PRIMA1: variants seen among roughly 807,000 people sequenced by gnomAD.
The protein encoded by PRIMA1 is proline-rich membrane anchor 1.
In PRIMA1, 7 loss-of-function variants were observed where a neutral mutation model predicts 17.5. The observed-to-expected ratio is 0.40, with a 90% CI of 0.23 to 0.75. The LOEUF (loss-of-function observed/expected upper bound fraction) is 0.75. Ranked by LOEUF, PRIMA1 falls within the 30% of genes least tolerant of loss-of-function variation. The probability of loss-of-function intolerance (pLI) is 0.37; values close to 1 mark genes in which losing one functional copy is unlikely to be tolerated. For synonymous variants in PRIMA1, 97 were observed against 77.9 expected, an observed-to-expected ratio of 1.25 and a Z score of -1.29; for missense variants, 200 against 201.8, an observed-to-expected ratio of 0.99 and a Z score of 0.05.
At chr14:93,770,812 C>A (rs1885037432) in intron 3 of PRIMA1, among the ~76,000 whole-genome samples, 1 of 152,174 alleles carries the variant, frequency 6.6e-6, no homozygotes, top group Non-Finnish European at 1.5e-5. Context: ...GCACCTAGTA[C>A]CTAGTGCCTG....
chr14:93,744,827 G>A (rs2076206702), intron 3 of PRIMA1, among the ~76,000 whole-genome samples: 1 of 152,202 alleles, frequency 6.6e-6, no homozygotes, highest in Non-Finnish European at 1.5e-5. Flanking sequence ...AGGCACCCGT[G>A]CCTGGCCCAT....
intron 3 of PRIMA1, among the ~76,000 whole-genome samples, chr14:93,755,265 C>T (rs543166817): frequency 3.9e-5 from 6 of 152,300 alleles, no homozygotes; most frequent in East Asian, 1.9e-4. Flanking sequence ...ACCCTGCACA[C>T]GCCGGGATGC....
intron 3 of PRIMA1, among the ~76,000 whole-genome samples, chr14:93,740,479 C>T (rs529770325): frequency 6.6e-6 from 1 of 152,322 alleles, no homozygotes; most frequent in African/African-American, 2.4e-5. Context: ...ACACTGCACC[C>T]CTAAGCCTCA....
intron 3 of PRIMA1, among the ~76,000 whole-genome samples, chr14:93,758,569 A>AAGATT (rs2076306318): frequency 6.8e-6 from 1 of 147,490 alleles, no homozygotes; most frequent in African/African-American, 2.5e-5. Flanking sequence ...ACTGCACTCC[A>AAGATT]GCGTGGGCAA....
chr14:93,774,777 G>T (rs1399853092), intron 3 of PRIMA1, among the ~76,000 whole-genome samples: 1 of 152,162 alleles, frequency 6.6e-6, no homozygotes, highest in Non-Finnish European at 1.5e-5. Context: ...TCATCAGAAC[G>T]CTTTCCACAG....
At chr14:93,725,193 G>C (rs932225369) in intron 4 of PRIMA1, among the ~76,000 whole-genome samples, 1 of 149,580 alleles carries the variant, frequency 6.7e-6, no homozygotes, top group African/African-American at 2.6e-5. Flanking sequence ...CAGAGGCTCG[G>C]CACCTGTGGC....
chr14:93,770,911 C>G (rs1277324232), intron 3 of PRIMA1, among the ~76,000 whole-genome samples: 1 of 152,310 alleles, frequency 6.6e-6, no homozygotes, highest in East Asian at 1.9e-4. Flanking sequence ...TGCTAAATAT[C>G]TGGGGCTATC....
intron 3 of PRIMA1, among the ~76,000 whole-genome samples, chr14:93,745,519 G>A (rs1361746358): frequency 6.6e-6 from 1 of 152,224 alleles, no homozygotes; most frequent in Non-Finnish European, 1.5e-5. Context: ...CTGTGCTGGA[G>A]GCATCCAGCA....
At chr14:93,773,208 G>A (rs1885117986) in intron 3 of PRIMA1, among the ~76,000 whole-genome samples, 1 of 152,212 alleles carries the variant, frequency 6.6e-6, no homozygotes, top group Non-Finnish European at 1.5e-5. Flanking sequence ...GGATGGCCTG[G>A]ATAATTTCTA....
intron 2 of PRIMA1, among the ~76,000 whole-genome samples, chr14:93,780,400 A>G (rs957268068): frequency 6.6e-6 from 1 of 152,196 alleles, no homozygotes; most frequent in Non-Finnish European, 1.5e-5. Context: ...ATCACCACTT[A>G]AGGGAATGCC....
intron 3 of PRIMA1, among the ~76,000 whole-genome samples, chr14:93,770,675 T>A (rs576717067): frequency 6.6e-6 from 1 of 152,244 alleles, no homozygotes; most frequent in South Asian, 2.1e-4. Flanking sequence ...ATTTTTCCTG[T>A]GATAGTTTTG....
intron 3 of PRIMA1, among the ~76,000 whole-genome samples, chr14:93,765,376 G>A (rs1050103056): frequency 6.6e-6 from 1 of 150,992 alleles, no homozygotes; most frequent in Non-Finnish European, 1.5e-5. Context: ...CCTGTCCTCA[G>A]GGATCGGATC....
In PRIMA1 at chr14:93,726,161, C is replaced by T. The variant is rs530715405; in HGVS notation, c.360-4615G>A. On this transcript the variant is annotated intron_variant, in intron 4 of 4. Transcript: ENST00000393140. The surrounding 1 kb of genome is among the most constrained non-coding windows in gnomAD (Gnocchi z 4.2). ...CACATTCCCTGCTCGGAGTGCCGCG[C>T]GGACAGCTCCAGCCGCACATGCCAG... is the stretch of plus-strand genomic sequence containing the variant. Among the ~76,000 whole-genome samples the T allele has an allele frequency of 6.6e-5, 10 of 152,272 alleles. No individual in the cohort carries two copies. In the South Asian group the frequency reaches 1.7e-3, roughly 25 times the overall value.
intron 2 of PRIMA1, among the ~76,000 whole-genome samples, chr14:93,785,805 T>A (rs1885506742): frequency 6.6e-6 from 1 of 152,176 alleles, no homozygotes; most frequent in African/African-American, 2.4e-5. Context: ...GGTTCCTTTT[T>A]AAATTGATTT....
chr14:93,748,678 C>A (rs578088029), intron 3 of PRIMA1, among the ~76,000 whole-genome samples: 1 of 152,168 alleles, frequency 6.6e-6, no homozygotes, highest in African/African-American at 2.4e-5. Flanking sequence ...CTGTGCTCTG[C>A]GGGCCACTTG....
At chr14:93,725,791 C>T (rs10873436) in intron 4 of PRIMA1, 234,172 of 357,722 alleles carry the variant, frequency 0.65, 77,827 homozygotes, top group Middle Eastern at 0.71. Context: ...CTGGCCCCAC[C>T]GGCTGGCAGC....
chr14:93,773,460 C>T (rs1427163825), intron 3 of PRIMA1, among the ~76,000 whole-genome samples: 1 of 152,158 alleles, frequency 6.6e-6, no homozygotes, highest in East Asian at 1.9e-4. Context: ...CCAGACCTAC[C>T]GAGTCAGGAA....
intron 2 of PRIMA1, among the ~76,000 whole-genome samples, chr14:93,779,578 C>T (rs1290083216): frequency 5.3e-5 from 8 of 152,204 alleles, no homozygotes; most frequent in Admixed American, 1.3e-4. Context: ...GAGAAGTAGA[C>T]AAGAACTTGA....
At chr14:93,771,849 A>G (rs1182370530) in intron 3 of PRIMA1, among the ~76,000 whole-genome samples, 1 of 152,168 alleles carries the variant, frequency 6.6e-6, no homozygotes, top group Non-Finnish European at 1.5e-5. Flanking sequence ...AGGGAAGGAA[A>G]GGAAAGGGGG....
Sources: gnomAD v4.1 joint callset for allele counts (sites outside exome capture counted in the v4.1 genomes callset) on GRCh38, gnomAD v4.1.1 for gene constraint, Gnocchi (gnomAD v3.1) non-coding constraint, MANE v1.5 for transcripts, NCBI Gene and HGNC (gene_info 2026-07-23, HGNC 2026-07-21) for gene names.